BPIFB1: variants seen among roughly 807,000 people sequenced by gnomAD.
BPIFB1 encodes BPI fold containing family B member 1, also known as BPI fold-containing family B member 1.
A neutral mutation model predicts 55.1 loss-of-function variants in BPIFB1; 34 were observed. The observed-to-expected ratio is 0.62, with a 90% CI of 0.47 to 0.82. The LOEUF (loss-of-function observed/expected upper bound fraction) is 0.82, where lower values mean the gene tolerates loss of function less well. Among genes scored for constraint, BPIFB1 ranks in the 40% least tolerant of loss-of-function variants. The pLI, the probability that BPIFB1 is intolerant of heterozygous loss-of-function variation, is 0.00. For synonymous variants in BPIFB1, 236 were observed against 245.3 expected, an observed-to-expected ratio of 0.96 and a Z score of 0.35; for missense variants, 532 against 593.1, an observed-to-expected ratio of 0.90 and a Z score of 1.07.
At chr20:33,307,263 G>T (rs1981062842) in intron 15 of BPIFB1, 1 of 419,410 alleles carries the variant, frequency 2.4e-6, no homozygotes, top group Admixed American at 3.9e-5. Flanking sequence ...TTTTTCGAGG[G>T]TCTTCTATAG....
Position 33,309,595 on chromosome 20 carries a change from A to G in BPIFB1, c.1396-113A>G, listed in dbSNP as rs146495619. 9.6e-4 allele frequency: 931 copies of G among 969,634 alleles called. 10 individuals carry two copies. The East Asian group carries it at 0.022, about 23-fold the overall frequency. 60.1% of individuals were successfully genotyped at this position (969,634 alleles called of 1,614,324 possible). ...CTAAGAATTCTGTATTTGTGGGTTCAGGGTCATGGTCCCCCGGTGCCAGCA... is the reference window on the plus strand; with the variant it reads ...CTAAGAATTCTGTATTTGTGGGTTCGGGGTCATGGTCCCCCGGTGCCAGCA... On this transcript the variant is annotated intron_variant, in intron 15 of 15. Transcript: ENST00000253354. This position sits in a 1 kb window ranked among gnomAD's most constrained non-coding sequence, Gnocchi z 4.4.
chr20:33,304,659 C>T (rs555473228), intron 12 of BPIFB1, among the ~76,000 whole-genome samples, 187 bp from the exon 13 acceptor site: 44 of 152,258 alleles, frequency 2.9e-4, no homozygotes, highest in South Asian at 1.4e-3. Flanking sequence ...TTCTGTGCCC[C>T]CTCTATGCCC....
chr20:33,308,879 CACACACAT>C (rs1448012309), intron 15 of BPIFB1, among the ~76,000 whole-genome samples: 118 of 150,522 alleles, frequency 7.8e-4, no homozygotes, highest in Non-Finnish European at 1.3e-3. Context: ...ACACACACAC[CACACACAT>C]ACACACATAC....
intron 1 of BPIFB1, among the ~76,000 whole-genome samples, chr20:33,285,604 A>G (rs1160862086): frequency 6.6e-6 from 1 of 151,328 alleles, no homozygotes; most frequent in East Asian, 1.9e-4. Flanking sequence ...TGTAGTCCCA[A>G]CTACTCAGGA....
chr20:33,304,760 A>G lies in BPIFB1; in HGVS notation c.1209-86A>G. 2.6e-6 allele frequency: 4 copies of G among 1,531,064 alleles called. 1 individual carries two copies. In the South Asian group the frequency reaches 3.4e-5, roughly 13 times the overall value. The allele number at this position is 1,531,064 out of a possible 1,614,324, so 94.8% of individuals were successfully genotyped here. A position where few individuals can be genotyped will look rare whatever the true frequency, so the allele number is the denominator to read the frequency against. On this transcript the variant is annotated intron_variant, in intron 12 of 15. Coordinates refer to ENST00000253354, the MANE Select transcript of BPIFB1 (RefSeq NM_033197.3). ...GCCCGCACTGTGCCTGGCACATAATAGGTGCTCAATAAATCGCTGTTGAAT... is the reference window on the plus strand; with the variant it reads ...GCCCGCACTGTGCCTGGCACATAATGGGTGCTCAATAAATCGCTGTTGAAT...
At chr20:33,304,249 C>T (rs542319508) in intron 12 of BPIFB1, among the ~76,000 whole-genome samples, 3 of 152,272 alleles carry the variant, frequency 2.0e-5, no homozygotes, top group East Asian at 1.9e-4. Context: ...AAACCCTAGC[C>T]GCGGCCAGCC....
At chr20:33,293,228 T>C (rs1195989965) in intron 6 of BPIFB1, among the ~76,000 whole-genome samples, 1 of 152,198 alleles carries the variant, frequency 6.6e-6, no homozygotes, top group African/African-American at 2.4e-5. Context: ...TGGCGACTTT[T>C]TTCTTTGAAA....
Position 33,302,291 on chromosome 20 carries a change from A to C in BPIFB1, c.928-68A>C, listed in dbSNP as rs117206879. On this transcript the variant is annotated intron_variant, in intron 9 of 15. Coordinates refer to ENST00000253354, the MANE Select transcript of BPIFB1 (RefSeq NM_033197.3). ...GGTCCTGGGAAACCTTCCTCCCAGC[A>C]GTGGGGTGCAGGAGATGTGCCTCCC... 43 of 1,518,350 alleles carry C rather than the reference A, an allele frequency of 2.8e-5. No individual in the cohort carries two copies. In the East Asian group the frequency reaches 9.7e-4, roughly 34 times the overall value. 94.1% of individuals were successfully genotyped at this position (1,518,350 alleles called of 1,614,324 possible). A position where few individuals can be genotyped will look rare whatever the true frequency, so the allele number is the denominator to read the frequency against.
At chr20:33,306,820 C>T in intron 14 of BPIFB1, 91 bp from the exon 15 acceptor site, 1 of 1,074,288 alleles carries the variant, frequency 9.3e-7, no homozygotes. Context: ...GCCTGCCAGG[C>T]CGGGGCTCCC....
At chr20:33,304,703 C>T in intron 12 of BPIFB1, 143 bp from the exon 13 acceptor site, 2 of 949,076 alleles carry the variant, frequency 2.1e-6, no homozygotes. Context: ...ATGCAAGCTC[C>T]ACGACGCAAG....
At chr20:33,289,736 G>A (rs1480657678) in intron 3 of BPIFB1, 149 bp from the exon 4 acceptor site, 5 of 676,628 alleles carry the variant, frequency 7.4e-6, no homozygotes, top group East Asian at 2.7e-5. Context: ...GAGGGATGGA[G>A]GCAAGACCAT....
intron 14 of BPIFB1, chr20:33,306,702 G>A (rs1363852137): frequency 1.7e-6 from 1 of 586,646 alleles, no homozygotes; most frequent in Non-Finnish European, 3.1e-6. Flanking sequence ...ACTGCATTTT[G>A]TGAGGGGCCA....
rs773108259 is a variant in BPIFB1, at chr20:33,299,906, T to G, written c.669T>G (p.Ile223Met). 14 of 1,613,556 alleles carry G rather than the reference T, an allele frequency of 8.7e-6. No individual in the cohort carries two copies. The South Asian group carries it at 1.4e-4, about 16-fold the overall frequency. ...ADLLQLVKVP[I>M]SLSIDRLEFD... ...CTTCTTGTCCTTGAGCAGTGCCCAT[T>G]TCCCTCAGCATTGACCGTCTGGAGT... Residue 223 changes from isoleucine to methionine, a missense_variant, in exon 8 of 16, where the codon ATT (isoleucine) becomes ATG (methionine). Ile to Met is a conservative substitution (Grantham distance 10). Coordinates refer to ENST00000253354, the MANE Select transcript of BPIFB1 (RefSeq NM_033197.3).
At position 33,302,945 on chromosome 20, in the gene BPIFB1, C is replaced by CTGG. The variant is rs1185526172; in HGVS notation, c.1011_1012insTGG (p.Ile337_Val338insTrp). Reference sequence around the variant, plus strand: ...CAGATAAGCTGGGATCTACCCAGATCGTGAAGATCCTAACTCAGGACACTC... The same window carrying CTGG: ...CAGATAAGCTGGGATCTACCCAGATCTGGGTGAAGATCCTAACTCAGGACACTC... On this transcript the variant is annotated inframe_insertion, in exon 11 of 16. Transcript: ENST00000253354. 6.2e-7 allele frequency: 1 copy of CTGG among 1,614,004 alleles called. No individual in the cohort carries two copies. The highest frequency in any genetic ancestry group is 8.5e-7 in the Non-Finnish European group (1 of 1,180,008).
intron 6 of BPIFB1, 97 bp downstream of exon 6, chr20:33,292,085 T>C: frequency 8.8e-7 from 1 of 1,133,506 alleles, no homozygotes; most frequent in Non-Finnish European, 1.3e-6. Flanking sequence ...GGAGTCTCCT[T>C]GGGTGGGTTT....
At chr20:33,304,315 G>A (rs564627358) in intron 12 of BPIFB1, among the ~76,000 whole-genome samples, 34 of 152,320 alleles carry the variant, frequency 2.2e-4, no homozygotes, top group Non-Finnish European at 8.8e-5. Context: ...CAGAAGTGCA[G>A]GGCTCCAGCT....
chr20:33,299,330 C>G, intron 7 of BPIFB1: 1 of 382,692 alleles, frequency 2.6e-6, no homozygotes, highest in Admixed American at 3.0e-5. Context: ...GGAATTCTGA[C>G]GCGAACACGA....
chr20:33,306,058 C>T lies in BPIFB1; in HGVS notation c.1311C>T (p.Asn437=). 1.2e-6 allele frequency: 2 copies of T among 1,614,158 alleles called. No homozygotes were observed. Among genetic ancestry groups the T allele is most frequent in the South Asian group, 1.1e-5 (1 of 91,080 alleles). Residue 437 remains asparagine, a synonymous_variant, in exon 14 of 16, where the codon AAC becomes AAT. Transcript: ENST00000253354. Reference sequence around the variant, plus strand: ...TCATCCACTCCATCCTGCTGCCGAACCAGAATGGTGCATACCTCTGCCATC... The same window carrying T: ...TCATCCACTCCATCCTGCTGCCGAATCAGAATGGTGCATACCTCTGCCATC... ...TEIIHSILLP[N]QNGKLRSGVP...
In BPIFB1 at chr20:33,290,043, G is replaced by A. The variant is rs773702003; in HGVS notation, c.365+51G>A. The A allele has an allele frequency of 5.2e-5, 73 of 1,409,794 alleles. 1 individual carries two copies. Among genetic ancestry groups the A allele is most frequent in the South Asian group, 2.0e-4 (17 of 86,648 alleles). 87.3% of individuals were successfully genotyped at this position (1,409,794 alleles called of 1,614,324 possible). On this transcript the variant is annotated intron_variant, in intron 4 of 15. Transcript: ENST00000253354. ...GTAGGCTTGACAGGCTCATCTGCTC[G>A]TTCCCCCTCCCCCGCCCCCACCATG...
Sources: allele counts gnomAD v4.1 joint callset (sites outside exome capture counted in the v4.1 genomes callset), GRCh38; gene constraint gnomAD v4.1.1; non-coding constraint Gnocchi (gnomAD v3.1); transcripts MANE v1.5; gene names NCBI Gene and HGNC (gene_info 2026-07-23, HGNC 2026-07-21).